Variants in CPNE4 observed in about 807,000 individuals in gnomAD.
The protein encoded by CPNE4 is copine 4, also known as copine-4.
In CPNE4, 25 loss-of-function variants were observed where a neutral mutation model predicts 67.9. The ratio of observed to expected loss-of-function variants is 0.37; its 90% CI spans 0.27 to 0.51. The LOEUF is 0.51. Among genes scored for constraint, CPNE4 ranks in the 20% least tolerant of loss-of-function variants. The probability of loss-of-function intolerance (pLI) is 0.93; values close to 1 mark genes in which losing one functional copy is unlikely to be tolerated. For synonymous variants in CPNE4, 242 were observed against 244.9 expected (o/e 0.99, Z 0.11); for missense variants, 464 against 690.8 (o/e 0.67, Z 3.68).
chr3:131,878,399 A>G (rs1464974234), intron 2 of CPNE4, among the ~76,000 whole-genome samples: 3 of 152,222 alleles, frequency 2.0e-5, no homozygotes, highest in Non-Finnish European at 2.9e-5. Context: ...TATTTGCATA[A>G]AAGTCAAAGA....
At chr3:131,841,416 G>A (rs921040348) in intron 2 of CPNE4, among the ~76,000 whole-genome samples, 2 of 152,234 alleles carry the variant, frequency 1.3e-5, no homozygotes, top group Admixed American at 1.3e-4. Flanking sequence ...TGGCCTGTTA[G>A]GAACCAGGCT....
At chr3:131,824,298 G>A (rs1183348825) in intron 2 of CPNE4, among the ~76,000 whole-genome samples, 1 of 152,014 alleles carries the variant, frequency 6.6e-6, no homozygotes, top group Non-Finnish European at 1.5e-5. Flanking sequence ...GATTACACAG[G>A]AATTGGGCAA....
intron 7 of CPNE4, among the ~76,000 whole-genome samples, chr3:131,633,415 G>T (rs2079286370): frequency 6.6e-6 from 1 of 152,040 alleles, no homozygotes; most frequent in Non-Finnish European, 1.5e-5. Flanking sequence ...GTTGACCTCT[G>T]GTTAGGACTA....
intron 1 of CPNE4, among the ~76,000 whole-genome samples, chr3:131,946,088 A>G (rs2071544167): frequency 6.6e-6 from 1 of 152,174 alleles, no homozygotes; most frequent in African/African-American, 2.4e-5. Context: ...GCACATTCAC[A>G]ATGTTATGCA....
At chr3:131,628,238 C>T (rs923252162) in intron 7 of CPNE4, among the ~76,000 whole-genome samples, 1 of 152,202 alleles carries the variant, frequency 6.6e-6, no homozygotes, top group African/African-American at 2.4e-5. Context: ...CATATTCACA[C>T]TGCTGATGAA....
intron 2 of CPNE4, among the ~76,000 whole-genome samples, chr3:131,735,435 G>A (rs1273063437): frequency 6.6e-6 from 1 of 152,202 alleles, no homozygotes; most frequent in African/African-American, 2.4e-5. Flanking sequence ...AAACTGTTCT[G>A]CAGTCAAATA....
intron 2 of CPNE4, among the ~76,000 whole-genome samples, chr3:131,879,108 G>T (rs2087567326): frequency 6.6e-6 from 1 of 152,046 alleles, no homozygotes; most frequent in African/African-American, 2.4e-5. Flanking sequence ...ATCTAAAAGT[G>T]CATAAGGGTG....
chr3:131,603,018 TAAG>T (rs1939292209), intron 7 of CPNE4, among the ~76,000 whole-genome samples: 1 of 151,396 alleles, frequency 6.6e-6, no homozygotes, highest in Non-Finnish European at 1.5e-5. Context: ...TCTGAAATTA[TAAG>T]TATCTCTCCT....
chr3:131,589,561 C>T (rs1434200763), intron 7 of CPNE4, among the ~76,000 whole-genome samples: 1 of 152,180 alleles, frequency 6.6e-6, no homozygotes, highest in Non-Finnish European at 1.5e-5. Context: ...CAGAGACATA[C>T]CCAGAAACAA....
chr3:131,747,348 T>C (rs554511595), intron 2 of CPNE4, among the ~76,000 whole-genome samples: 1 of 152,248 alleles, frequency 6.6e-6, no homozygotes, highest in South Asian at 2.1e-4. Context: ...CAAAAATTCT[T>C]TCCTATACTG....
At position 131,564,201 on chromosome 3, in the gene CPNE4, C is replaced by G. The variant is rs764240590; in HGVS notation, c.1061+15G>C. On this transcript the variant is annotated intron_variant, in intron 11 of 15. Transcript: ENST00000429747. ...TGAGAGATGATAAGGCTCCAAATGT[C>G]CTGAAGCCTCTTACCTGTCATAGTC... The G allele has an allele frequency of 6.2e-7, 1 of 1,612,350 alleles. No individual in the cohort carries two copies. The highest frequency in any genetic ancestry group is 8.5e-7 in the Non-Finnish European group (1 of 1,178,832).
intron 2 of CPNE4, among the ~76,000 whole-genome samples, chr3:131,872,213 CAGAG>C (rs1276196453): frequency 2.0e-5 from 3 of 151,136 alleles, no homozygotes; most frequent in Non-Finnish European, 4.4e-5. Context: ...GAGAGAGAAA[CAGAG>C]AGAAAGAAGG....
At chr3:131,839,957 G>C (rs1180370569) in intron 2 of CPNE4, among the ~76,000 whole-genome samples, 2 of 152,106 alleles carry the variant, frequency 1.3e-5, no homozygotes, top group African/African-American at 4.8e-5. Context: ...CCTATACGAG[G>C]CAATGTCAGA....
At chr3:131,872,905 A>C (rs2087279053) in intron 2 of CPNE4, among the ~76,000 whole-genome samples, 1 of 152,092 alleles carries the variant, frequency 6.6e-6, no homozygotes, top group Non-Finnish European at 1.5e-5. Context: ...TCTAGCAAAG[A>C]CTCCAGATAT....
intron 2 of CPNE4, among the ~76,000 whole-genome samples, chr3:131,817,891 A>G (rs1283705905): frequency 6.6e-6 from 1 of 152,142 alleles, no homozygotes; most frequent in African/African-American, 2.4e-5. Context: ...TAAAAGAAAC[A>G]CCACCTACTC....
intron 1 of CPNE4, among the ~76,000 whole-genome samples, chr3:131,946,371 T>G (rs1251083176): frequency 6.6e-6 from 1 of 152,220 alleles, no homozygotes; most frequent in African/African-American, 2.4e-5. Context: ...TTTTTATGAC[T>G]AAATATATAA....
intron 1 of CPNE4, among the ~76,000 whole-genome samples, chr3:131,963,275 C>T (rs765089050): frequency 1.1e-4 from 16 of 152,154 alleles, no homozygotes; most frequent in Non-Finnish European, 1.8e-4. Context: ...CTTGCCTACA[C>T]CACCAGGGCC....
intron 1 of CPNE4, among the ~76,000 whole-genome samples, chr3:131,911,545 G>C (rs1314836510): frequency 7.6e-5 from 1 of 13,192 alleles, no homozygotes; most frequent in Non-Finnish European, 2.4e-4. Flanking sequence ...ACTCCAAGTT[G>C]TGTGTGTGTG....
intron 2 of CPNE4, among the ~76,000 whole-genome samples, chr3:131,823,693 C>T (rs2085047043): frequency 6.6e-6 from 1 of 152,128 alleles, no homozygotes; most frequent in Non-Finnish European, 1.5e-5. Flanking sequence ...GGTATGAAGG[C>T]CAAGTTGCCT....
Sources: gnomAD v4.1 joint callset for allele counts (sites outside exome capture counted in the v4.1 genomes callset) on GRCh38, gnomAD v4.1.1 for gene constraint, MANE v1.5 for transcripts, NCBI Gene and HGNC (gene_info 2026-07-23, HGNC 2026-07-21) for gene names.